PDE1A: variants seen among roughly 807,000 people sequenced by gnomAD.
The protein encoded by PDE1A is phosphodiesterase 1A, also known as dual specificity calcium/calmodulin-dependent 3',5'-cyclic nucleotide phosphodiesterase 1A.
Under a neutral mutation model 61.7 loss-of-function variants are expected in PDE1A, and 35 were observed. The ratio of observed to expected loss-of-function variants is 0.57; its 90% confidence interval spans 0.43 to 0.75. The LOEUF is 0.75. PDE1A is among the 30% of genes least tolerant of loss of function. The probability of loss-of-function intolerance (pLI) is 0.00; values close to 1 mark genes in which losing one functional copy is unlikely to be tolerated. For missense variants in PDE1A, 597 were observed against 630.6 expected, an observed-to-expected ratio of 0.95 and a Z score of 0.57; for synonymous variants, 232 against 213.2, an observed-to-expected ratio of 1.09 and a Z score of -0.77.
chr2:182,406,911 C>G (rs944470366), intron 1 of PDE1A, among the ~76,000 whole-genome samples: 1 of 151,910 alleles, frequency 6.6e-6, no homozygotes, highest in Non-Finnish European at 1.5e-5. Flanking sequence ...TCAATACTAT[C>G]TCAGTTTGTT....
chr2:182,628,767 T>C, the PDE1A span, among the ~76,000 whole-genome samples: 1 of 152,154 alleles, frequency 6.6e-6, no homozygotes, highest in Non-Finnish European at 1.5e-5. Flanking sequence ...TTTTAAAATA[T>C]TGTTTTCATT....
At chr2:182,373,214 C>T (rs144039944) in intron 1 of PDE1A, among the ~76,000 whole-genome samples, 1 of 152,252 alleles carries the variant, frequency 6.6e-6, no homozygotes, top group African/African-American at 2.4e-5. Flanking sequence ...GGAAGGGGAA[C>T]CAATTACTAT....
chr2:182,555,965 C>CAAAAAAA, the PDE1A span, among the ~76,000 whole-genome samples: 230 of 48,430 alleles, frequency 4.7e-3, 19 homozygotes, highest in African/African-American at 0.022. Context: ...AACTCCATCT[C>CAAAAAAA]AAAAAAAAAA....
chr2:182,616,993 T>C, the PDE1A span, among the ~76,000 whole-genome samples: 6 of 152,318 alleles, frequency 3.9e-5, no homozygotes, highest in East Asian at 1.9e-4. Flanking sequence ...AAAAGTTTTG[T>C]GGTGTGTGAC....
chr2:182,671,621 CTTTTTTTTT>C, the PDE1A span, among the ~76,000 whole-genome samples: 6 of 124,312 alleles, frequency 4.8e-5, no homozygotes, highest in Non-Finnish European at 9.8e-5. Flanking sequence ...CTTTCTTTTT[CTTTTTTTTT>C]TTTTTTTTGA....
intron 2 of PDE1A, among the ~76,000 whole-genome samples, chr2:182,508,280 A>C (rs1247880142): frequency 6.6e-6 from 1 of 152,128 alleles, no homozygotes; most frequent in Non-Finnish European, 1.5e-5. Context: ...AGCTAACATT[A>C]TAATCAACGG....
chr2:182,429,519 G>T (rs1180752122), upstream of PDE1A, among the ~76,000 whole-genome samples: 2 of 151,988 alleles, frequency 1.3e-5, no homozygotes, highest in Non-Finnish European at 2.9e-5. Flanking sequence ...AACAAAGTCA[G>T]GCTGACTTAG....
chr2:182,190,240 AG>A (rs779821234), intron 10 of PDE1A, among the ~76,000 whole-genome samples: 4 of 152,244 alleles, frequency 2.6e-5, no homozygotes, highest in Non-Finnish European at 4.4e-5. Context: ...AGTTACAAAC[AG>A]GAACATTTCA....
At chr2:182,267,381 TCG>T (rs1435030369) in intron 1 of PDE1A, among the ~76,000 whole-genome samples, 1 of 151,732 alleles carries the variant, frequency 6.6e-6, no homozygotes, top group Non-Finnish European at 1.5e-5. Flanking sequence ...GAAAATGTAA[TCG>T]CATATAGTTA....
chr2:182,598,552 A>C, the PDE1A span, among the ~76,000 whole-genome samples: 2 of 149,428 alleles, frequency 1.3e-5, no homozygotes, highest in Admixed American at 6.7e-5. Flanking sequence ...GATGGAGCGC[A>C]ACTCTGTCTC....
the PDE1A span, among the ~76,000 whole-genome samples, chr2:182,688,326 T>A: frequency 5.8e-3 from 878 of 152,250 alleles, 6 homozygotes; most frequent in Non-Finnish European, 8.6e-3. Flanking sequence ...TAACAGCTGA[T>A]CTCTCGGCAG....
the PDE1A span, among the ~76,000 whole-genome samples, chr2:182,595,795 AAGG>A: frequency 6.6e-6 from 1 of 152,148 alleles, no homozygotes; most frequent in African/African-American, 2.4e-5. Context: ...CTTTCATCTG[AAGG>A]AGGAGGACTA....
intron 2 of PDE1A, among the ~76,000 whole-genome samples, chr2:182,458,875 G>A (rs371790578): frequency 6.6e-6 from 1 of 151,934 alleles, no homozygotes; most frequent in African/African-American, 2.4e-5. Context: ...TAATTACACC[G>A]ATAACTGTGC....
At chr2:182,605,248 C>G in the PDE1A span, among the ~76,000 whole-genome samples, 1 of 152,110 alleles carries the variant, frequency 6.6e-6, no homozygotes, top group Non-Finnish European at 1.5e-5. Flanking sequence ...TGGTACTACC[C>G]ATCAGGGCTG....
At chr2:182,627,284 TATA>T in the PDE1A span, among the ~76,000 whole-genome samples, 1 of 102,204 alleles carries the variant, frequency 9.8e-6, no homozygotes, top group Non-Finnish European at 1.8e-5. Context: ...ATATATAAAA[TATA>T]AATATATATT....
intron 2 of PDE1A, among the ~76,000 whole-genome samples, chr2:182,476,948 T>C (rs1327261203): frequency 6.6e-6 from 1 of 150,776 alleles, no homozygotes; most frequent in African/African-American, 2.4e-5. Flanking sequence ...CAGGGAAATG[T>C]TATGCATTAT....
At chr2:182,540,366 GAAAA>G in the PDE1A span, among the ~76,000 whole-genome samples, 3 of 108,408 alleles carry the variant, frequency 2.8e-5, no homozygotes, top group African/African-American at 3.9e-5. Flanking sequence ...CTGTCTCAAA[GAAAA>G]AAAAAAAAAA....
the PDE1A span, among the ~76,000 whole-genome samples, chr2:182,531,397 A>C: frequency 6.6e-6 from 1 of 150,964 alleles, no homozygotes; most frequent in Non-Finnish European, 1.5e-5. Context: ...AAAATACCAT[A>C]ATAATACTAA....
At chr2:182,274,137 C>T (rs986023320) in intron 1 of PDE1A, among the ~76,000 whole-genome samples, 3 of 152,006 alleles carry the variant, frequency 2.0e-5, no homozygotes, top group Non-Finnish European at 4.4e-5. Context: ...GAGAGCTCTG[C>T]CCCCATGATC....
Sources: allele counts gnomAD v4.1 joint callset (sites outside exome capture counted in the v4.1 genomes callset), GRCh38; gene constraint gnomAD v4.1.1; transcripts MANE v1.5; gene names NCBI Gene and HGNC (gene_info 2026-07-23, HGNC 2026-07-21).